Variants in GPR173 observed in about 807,000 individuals in gnomAD.
GPR173 encodes probable G protein-coupled receptor 173.
In GPR173, 2 loss-of-function variants were observed where a neutral mutation model predicts 13.9. That is an observed-to-expected ratio of 0.14 (90% CI 0.06 to 0.45). The LOEUF (loss-of-function observed/expected upper bound fraction) is 0.45, where lower values mean the gene tolerates loss of function less well. Ranked by LOEUF, GPR173 falls within the 20% of genes least tolerant of loss-of-function variation. The probability of loss-of-function intolerance (pLI) is 0.98; values close to 1 mark genes in which losing one functional copy is unlikely to be tolerated. For synonymous variants in GPR173, 131 were observed against 141.0 expected (o/e 0.93, Z 0.50); for missense variants, 202 against 340.5 (o/e 0.59, Z 3.20).
At chrX:53,058,610 C>T (rs1462715737) in intron 1 of GPR173, among the ~76,000 whole-genome samples, 5 of 111,569 alleles carry the variant, frequency 4.5e-5, no homozygotes, top group Non-Finnish European at 9.4e-5. Flanking sequence ...TGCTTGTATG[C>T]GTGAGCAGGT....
chrX:53,056,046 T>G (rs1414535175), intron 1 of GPR173, among the ~76,000 whole-genome samples: 4 of 109,261 alleles, frequency 3.7e-5, no homozygotes, highest in Non-Finnish European at 7.6e-5. Context: ...ATTGTGGGTG[T>G]GTCTTAATAC....
chrX:53,079,298 G>T lies in GPR173; in HGVS notation c.*1555G>T. 8.0e-6 allele frequency: 1 copy of T among 124,300 alleles called. No individual in the cohort carries two copies. The allele number at this position is 124,300 out of a possible 1,213,427, so 10.2% of individuals were successfully genotyped here. On this transcript the variant is annotated 3_prime_UTR_variant, in exon 2 of 2. Transcript: ENST00000332582. ...GCCTGACCCATACAGAATGGGGAGG[G>T]CACTCTAGGCAGGAGAGACATTAAT...
chrX:53,061,304 T>C (rs1441172488), intron 1 of GPR173, among the ~76,000 whole-genome samples: 3 of 111,256 alleles, frequency 2.7e-5, no homozygotes, highest in African/African-American at 9.8e-5. Flanking sequence ...TATTTGCTGG[T>C]GTGTGGGTAT....
chrX:53,074,085 T>C (rs1432951717), intron 1 of GPR173, among the ~76,000 whole-genome samples: 1 of 28,670 alleles, frequency 3.5e-5, no homozygotes, highest in Non-Finnish European at 5.0e-5. Flanking sequence ...CATGTATATT[T>C]ATTTATATAT....
chrX:53,060,607 A>G (rs1932110772), intron 1 of GPR173, among the ~76,000 whole-genome samples: 2 of 107,436 alleles, frequency 1.9e-5, no homozygotes, highest in South Asian at 8.1e-4. Context: ...GACAACAGAA[A>G]CCACAGTGGG....
chrX:53,052,630 T>A (rs1370219696), intron 1 of GPR173, among the ~76,000 whole-genome samples: 3 of 106,704 alleles, frequency 2.8e-5, no homozygotes, highest in African/African-American at 7.1e-5. Flanking sequence ...TGTGTGTGTG[T>A]GTGAATATGC....
chrX:53,075,667 T>G (rs1602096834), intron 1 of GPR173, among the ~76,000 whole-genome samples: 1 of 109,888 alleles, frequency 9.1e-6, no homozygotes, highest in African/African-American at 3.3e-5. Context: ...CCCTACACAA[T>G]CTGGCCCCAA....
At chrX:53,050,105 T>C (rs961278314) in intron 1 of GPR173, among the ~76,000 whole-genome samples, 17 of 110,829 alleles carry the variant, frequency 1.5e-4, no homozygotes, top group African/African-American at 5.6e-4. Flanking sequence ...CATCTCTCCC[T>C]ACAGGTAGCA....
At chrX:53,053,487 C>T (rs1197366446) in intron 1 of GPR173, among the ~76,000 whole-genome samples, 5 of 113,136 alleles carry the variant, frequency 4.4e-5, no homozygotes, top group African/African-American at 6.4e-5. Context: ...ATGTATGTCA[C>T]GCATGCGTGC....
In GPR173 at chrX:53,078,669, A is replaced by G. The variant is rs1417210921; in HGVS notation, c.*926A>G. 2 of 123,135 alleles carry G rather than the reference A, an allele frequency of 1.6e-5. No homozygotes were observed. Among genetic ancestry groups the G allele is most frequent in the South Asian group, 3.8e-4 (1 of 2,621 alleles). 10.1% of individuals were successfully genotyped at this position (123,135 alleles called of 1,213,427 possible). ...GCCATACAGGCAGGAGCAGCCCACC[A>G]GGAAAGTGTAAGGAGGGAGCTGAAC... is the stretch of plus-strand genomic sequence containing the variant. On this transcript the variant is annotated 3_prime_UTR_variant, in exon 2 of 2. Transcript: ENST00000332582.
intron 1 of GPR173, among the ~76,000 whole-genome samples, chrX:53,060,727 G>A (rs1357689989): frequency 1.9e-5 from 2 of 106,863 alleles, no homozygotes; most frequent in Admixed American, 1.0e-4. Context: ...CATAGCTGAT[G>A]TACAAAATGG....
chrX:53,055,081 G>T lies in GPR173; in HGVS notation c.-98+5597G>T, dbSNP rs113650914. 8.0e-3 allele frequency among the ~76,000 whole-genome samples: 879 copies of T among 109,550 alleles called. 7 individuals are homozygous for T. The highest frequency in any genetic ancestry group is 0.028 in the African/African-American group (828 of 29,941). On this transcript the variant is annotated intron_variant, in intron 1 of 1. Coordinates refer to ENST00000332582, the MANE Select transcript of GPR173 (RefSeq NM_018969.6). ...CAGTATGGATGTATCTGCATTGTGT[G>T]TGTGCAGTGTGAGTAGATCTGGCTG...
intron 1 of GPR173, among the ~76,000 whole-genome samples, chrX:53,050,281 G>A (rs1467452995): frequency 1.8e-5 from 2 of 111,537 alleles, no homozygotes; most frequent in Non-Finnish European, 3.8e-5. Context: ...ACCTGCAGGG[G>A]CCAGGAACAA....
At chrX:53,063,002 C>T (rs1556803956) in intron 1 of GPR173, among the ~76,000 whole-genome samples, 10 of 110,869 alleles carry the variant, frequency 9.0e-5, no homozygotes, top group Non-Finnish European at 1.9e-4. Flanking sequence ...CCAGCCTTCG[C>T]AGGCTGGAGT....
Position 53,077,453 on chromosome X carries a change from G to T in GPR173, c.832G>T (p.Val278Phe). The T allele has an allele frequency of 8.3e-7, 1 of 1,210,485 alleles. No individual in the cohort carries two copies. Among genetic ancestry groups the T allele is most frequent in the African/African-American group, 1.7e-5 (1 of 58,012 alleles). Residue 278 changes from valine (V) to phenylalanine (F), a missense_variant, in exon 2 of 2, where the codon GTC becomes TTC. Physicochemically the swap from Val to Phe is conservative, Grantham distance 50. This residue lies in a region of GPR173 where 76 missense variants were observed against 116.3 expected (regional missense o/e 0.65). Transcript: ENST00000332582. ...CCGGCGGCTACTGGGCATGGACGAG[G>T]TCAAGGGTGAAAAGCAGCTGGGCCG... Reference protein sequence around the residue: ...ASRRLLGMDEVKGEKQLGRMF... With the variant: ...ASRRLLGMDEFKGEKQLGRMF...
chrX:53,074,420 ATAAC>A (rs1932380803), intron 1 of GPR173, among the ~76,000 whole-genome samples: 1 of 20,757 alleles, frequency 4.8e-5, no homozygotes, highest in Non-Finnish European at 9.4e-5. Flanking sequence ...TTATATATAA[ATAAC>A]TATATAGATT....
rs782738187 is a variant in GPR173 at position 53,077,105 on chromosome X, G to A, written c.484G>A (p.Val162Met). Residue 162 changes from valine (V) to methionine (M), a missense_variant, in exon 2 of 2, where the codon GTG (valine) becomes ATG (methionine). Val to Met is a conservative substitution (Grantham distance 21). Coordinates refer to ENST00000332582, the MANE Select transcript of GPR173 (RefSeq NM_018969.6). ...VAMAFPPVFD[V>M]GTYKFIREED... ...CATGGCCTTCCCACCTGTCTTTGAC[G>A]TGGGCACCTACAAGTTTATTCGGGA... The A allele has an allele frequency of 5.8e-6, 7 of 1,209,469 alleles. No homozygotes were observed. Among genetic ancestry groups the A allele is most frequent in the Non-Finnish European group, 4.5e-6 (4 of 894,496 alleles).
intron 1 of GPR173, among the ~76,000 whole-genome samples, chrX:53,056,484 G>A (rs1392112230): frequency 9.1e-6 from 1 of 109,552 alleles, no homozygotes; most frequent in Non-Finnish European, 1.9e-5. Context: ...GTCATCTCTG[G>A]GTGGTGTGAG....
intron 1 of GPR173, among the ~76,000 whole-genome samples, chrX:53,059,840 T>C (rs1322315323): frequency 1.0e-5 from 1 of 96,469 alleles, no homozygotes; most frequent in Non-Finnish European, 2.1e-5. Flanking sequence ...AATAGAAAAA[T>C]TAGCCGGGCA....
Sources: gnomAD v4.1 joint callset for allele counts (sites outside exome capture counted in the v4.1 genomes callset) on GRCh38, gnomAD v4.1.1 for gene constraint, gnomAD v4.1.1 regional missense constraint, MANE v1.5 for transcripts, NCBI Gene and HGNC (gene_info 2026-07-23, HGNC 2026-07-21) for gene names.